The following SCMH1 variants were observed in gnomAD, a reference collection of about 807,000 sequenced individuals.
The protein encoded by SCMH1 is Scm polycomb group protein homolog 1.
Under a neutral mutation model 70.8 loss-of-function variants are expected in SCMH1, and 37 were observed. The ratio of observed to expected loss-of-function variants is 0.52; its 90% CI spans 0.40 to 0.69. The LOEUF is 0.69. SCMH1 is among the 30% of genes least tolerant of loss of function. SCMH1 has a pLI of 0.00. For synonymous variants in SCMH1, 292 were observed against 307.4 expected (o/e 0.95, Z 0.52); for missense variants, 607 against 827.3 (o/e 0.73, Z 3.27).
intron 2 of SCMH1, among the ~76,000 whole-genome samples, chr1:41,168,227 T>A (rs1185879440): frequency 6.6e-6 from 1 of 152,158 alleles, no homozygotes; most frequent in Non-Finnish European, 1.5e-5. Context: ...TTTCTTTGAA[T>A]ATATTTTATT....
At chr1:41,160,117 T>C (rs942439971) in intron 4 of SCMH1, among the ~76,000 whole-genome samples, 2 of 152,116 alleles carry the variant, frequency 1.3e-5, no homozygotes, top group Non-Finnish European at 2.9e-5. Context: ...AAGTAATATG[T>C]TGCAGGAAAG....
intron 8 of SCMH1, among the ~76,000 whole-genome samples, chr1:41,083,755 A>G (rs1408326588): frequency 6.6e-6 from 1 of 152,214 alleles, no homozygotes; most frequent in African/African-American, 2.4e-5. Context: ...CCAAAACAGC[A>G]TGGTACTGGT....
intron 1 of SCMH1, among the ~76,000 whole-genome samples, chr1:41,227,991 CA>C (rs1256710640): frequency 6.6e-6 from 1 of 151,876 alleles, no homozygotes; most frequent in Non-Finnish European, 1.5e-5. Context: ...GTCTCAAAAA[CA>C]AAACAAAAAC....
intron 6 of SCMH1, 82 bp from the exon 7 acceptor site, chr1:41,117,092 C>T (rs1044108188): frequency 1.6e-5 from 20 of 1,229,632 alleles, no homozygotes; most frequent in African/African-American, 6.0e-5. Flanking sequence ...ACCCAGGTGC[C>T]GAGGCAAGAG....
At chr1:41,104,773 T>C (rs1667460597) in intron 8 of SCMH1, among the ~76,000 whole-genome samples, 1 of 152,040 alleles carries the variant, frequency 6.6e-6, no homozygotes. Context: ...CTCCTGGTTG[T>C]TGTGGCTTAT....
intron 13 of SCMH1, among the ~76,000 whole-genome samples, chr1:41,032,185 G>C (rs1644620667): frequency 6.6e-6 from 1 of 152,104 alleles, no homozygotes; most frequent in African/African-American, 2.4e-5. Flanking sequence ...CCCAGTTCAT[G>C]GTACTTTGTT....
chr1:41,084,577 C>CAAAGAAAAA (rs1208048070), intron 8 of SCMH1, among the ~76,000 whole-genome samples: 1 of 152,004 alleles, frequency 6.6e-6, no homozygotes, highest in East Asian at 1.9e-4. Flanking sequence ...GGCGATTCCT[C>CAAAGAAAAA]AGGGATCTAG....
chr1:41,058,378 G>GTTTTTTTT (rs548733204), intron 10 of SCMH1, among the ~76,000 whole-genome samples: 1,386 of 81,548 alleles, frequency 0.017, 142 homozygotes, highest in South Asian at 0.034. Flanking sequence ...TTTCTTTCTT[G>GTTTTTTTT]TTTTTTTTTT....
At chr1:41,036,674 A>T (rs191489021) in intron 13 of SCMH1, among the ~76,000 whole-genome samples, 81 of 152,330 alleles carry the variant, frequency 5.3e-4, no homozygotes, top group African/African-American at 1.9e-3. Context: ...GTCTTCTATG[A>T]TATATGCCTT....
chr1:41,072,245 G>A (rs532765816), intron 9 of SCMH1, among the ~76,000 whole-genome samples: 5 of 152,248 alleles, frequency 3.3e-5, no homozygotes, highest in East Asian at 1.9e-4. Flanking sequence ...ATCCAAATAC[G>A]TAATGAATGA....
chr1:41,104,584 G>A (rs1475343520), intron 8 of SCMH1, among the ~76,000 whole-genome samples: 1 of 152,046 alleles, frequency 6.6e-6, no homozygotes, highest in African/African-American at 2.4e-5. Flanking sequence ...AATATCACAG[G>A]TACCCCATCA....
chr1:41,092,596 T>C (rs1663915681), intron 8 of SCMH1, among the ~76,000 whole-genome samples: 1 of 152,096 alleles, frequency 6.6e-6, no homozygotes, highest in Non-Finnish European at 1.5e-5. Context: ...ACCTACAAAA[T>C]GGGAGAAAAT....
chr1:41,103,774 T>C (rs543968248), intron 8 of SCMH1, among the ~76,000 whole-genome samples: 4 of 152,270 alleles, frequency 2.6e-5, no homozygotes, highest in African/African-American at 9.6e-5. Context: ...AGAGAGCGAA[T>C]GGGCAGAGTC....
intron 2 of SCMH1, among the ~76,000 whole-genome samples, chr1:41,166,895 A>G (rs528317737): frequency 1.3e-5 from 2 of 152,204 alleles, no homozygotes; most frequent in South Asian, 2.1e-4. Context: ...CAGAAGTGGT[A>G]AGAGCGGGCA....
chr1:41,168,418 T>C (rs534252486), intron 2 of SCMH1, among the ~76,000 whole-genome samples: 55 of 152,254 alleles, frequency 3.6e-4, no homozygotes, highest in African/African-American at 1.1e-3. Context: ...GAATCTGCTG[T>C]TGAATACCTC....
exon 9 of SCMH1, chr1:41,075,416 C>A (rs770694897): frequency 4.3e-6 from 7 of 1,614,078 alleles, no homozygotes; most frequent in Non-Finnish European, 5.9e-6. Context: ...TCAGTATTCA[C>A]ATCGGAGGCA....
intron 2 of SCMH1, among the ~76,000 whole-genome samples, chr1:41,172,595 G>A (rs552352824): frequency 1.2e-4 from 18 of 152,002 alleles, no homozygotes; most frequent in African/African-American, 3.9e-4. Context: ...CCTAAAATTT[G>A]TACGGAACCA....
chr1:41,146,595 G>A (rs1448080868), intron 5 of SCMH1, among the ~76,000 whole-genome samples: 4 of 151,456 alleles, frequency 2.6e-5, no homozygotes, highest in Non-Finnish European at 5.9e-5. Flanking sequence ...TTACATAGAC[G>A]AATACCATTG....
chr1:41,240,062 T>C (rs893970659), intron 1 of SCMH1, among the ~76,000 whole-genome samples: 2 of 152,190 alleles, frequency 1.3e-5, no homozygotes, highest in Admixed American at 1.3e-4. Context: ...TATAGTTCCA[T>C]TGAGAATGGT....
Sources: gnomAD v4.1 joint callset for allele counts (sites outside exome capture counted in the v4.1 genomes callset) on GRCh38, gnomAD v4.1.1 for gene constraint, MANE v1.5 for transcripts, NCBI Gene and HGNC (gene_info 2026-07-23, HGNC 2026-07-21) for gene names.